Variants in ADGRL2 observed in about 807,000 individuals in gnomAD.
The protein encoded by ADGRL2 is adhesion G protein-coupled receptor L2, also known as calcium-independent alpha-latrotoxin receptor 2.
Under a neutral mutation model 157.4 loss-of-function variants are expected in ADGRL2, and 44 were observed. That is an observed-to-expected ratio of 0.28 (90% CI 0.22 to 0.36). The LOEUF (loss-of-function observed/expected upper bound fraction) is 0.36, where lower values mean the gene tolerates loss of function less well. Among genes scored for constraint, ADGRL2 ranks in the 10% least tolerant of loss-of-function variants. The pLI is 1.00. For synonymous variants in ADGRL2, 585 were observed against 624.7 expected, an observed-to-expected ratio of 0.94 and a Z score of 0.95; for missense variants, 1,510 against 1,768.9, an observed-to-expected ratio of 0.85 and a Z score of 2.63.
chr1:81,616,824 C>T (rs1347953307), intron 3 of ADGRL2, among the ~76,000 whole-genome samples: 1 of 151,912 alleles, frequency 6.6e-6, no homozygotes, highest in Non-Finnish European at 1.5e-5. Flanking sequence ...CCACAGGCAC[C>T]TGCCACTGCG....
chr1:81,815,687 A>G (rs2090328231), intron 1 of ADGRL2, among the ~76,000 whole-genome samples: 1 of 151,820 alleles, frequency 6.6e-6, no homozygotes, highest in Non-Finnish European at 1.5e-5. Flanking sequence ...ATAGTCAAAC[A>G]TAACCTTTAC....
chr1:81,318,184 T>C (rs967602797), intron 1 of ADGRL2, among the ~76,000 whole-genome samples: 3 of 152,186 alleles, frequency 2.0e-5, no homozygotes, highest in Non-Finnish European at 2.9e-5. Context: ...ATGAATATGG[T>C]CAATAACAGT....
At chr1:81,705,145 C>T (rs187948663) in intron 1 of ADGRL2, among the ~76,000 whole-genome samples, 6 of 152,232 alleles carry the variant, frequency 3.9e-5, no homozygotes, top group East Asian at 1.9e-4. Flanking sequence ...CTCCACCTCT[C>T]GGGTTCAAGC....
At chr1:81,741,021 G>C (rs1225221375) in intron 1 of ADGRL2, among the ~76,000 whole-genome samples, 1 of 151,894 alleles carries the variant, frequency 6.6e-6, no homozygotes, top group Non-Finnish European at 1.5e-5. Context: ...TTATAAACCA[G>C]AGTGTTATGT....
intron 3 of ADGRL2, among the ~76,000 whole-genome samples, chr1:81,678,951 G>C (rs1031911845): frequency 6.6e-6 from 1 of 152,182 alleles, no homozygotes; most frequent in African/African-American, 2.4e-5. Context: ...ATCAGAACCG[G>C]TGTTTCTGGT....
intron 2 of ADGRL2, among the ~76,000 whole-genome samples, chr1:81,780,874 G>A (rs572631027): frequency 6.6e-6 from 1 of 152,238 alleles, no homozygotes; most frequent in South Asian, 2.1e-4. Context: ...ACAGAATAAA[G>A]AGCTTTTGGC....
chr1:81,413,428 G>A (rs142918736), intron 1 of ADGRL2, among the ~76,000 whole-genome samples: 276 of 151,932 alleles, frequency 1.8e-3, no homozygotes, highest in Non-Finnish European at 2.9e-3. Flanking sequence ...CCAAAGTATC[G>A]TAAGAAAACA....
At chr1:81,350,763 G>C (rs1662822153) in intron 1 of ADGRL2, among the ~76,000 whole-genome samples, 1 of 152,094 alleles carries the variant, frequency 6.6e-6, no homozygotes, top group South Asian at 2.1e-4. Context: ...GTAGGCATTT[G>C]TTTACGCATG....
intron 2 of ADGRL2, among the ~76,000 whole-genome samples, chr1:81,536,538 T>G (rs1312491788): frequency 4.6e-5 from 7 of 152,236 alleles, no homozygotes; most frequent in African/African-American, 1.7e-4. Flanking sequence ...ACAACTTCTA[T>G]TCTCATCTCT....
At chr1:81,734,332 A>G (rs1162640) in intron 1 of ADGRL2, among the ~76,000 whole-genome samples, 1,713 of 147,398 alleles carry the variant, frequency 0.012, 26 homozygotes, top group Non-Finnish European at 0.016. Flanking sequence ...TAATTTTATA[A>G]TGAAAGAAAA....
At chr1:81,631,930 C>G (rs1432985277) in intron 3 of ADGRL2, among the ~76,000 whole-genome samples, 1 of 152,142 alleles carries the variant, frequency 6.6e-6, no homozygotes, top group African/African-American at 2.4e-5. Context: ...ATCTTTAAAT[C>G]TGGGCTCTGA....
intron 1 of ADGRL2, among the ~76,000 whole-genome samples, chr1:81,441,848 C>T (rs72940937): frequency 6.6e-6 from 1 of 151,822 alleles, no homozygotes; most frequent in Non-Finnish European, 1.5e-5. Context: ...TAGAATATTC[C>T]ATTTTTTTTG....
intron 2 of ADGRL2, among the ~76,000 whole-genome samples, chr1:81,788,567 C>A (rs905765828): frequency 6.6e-6 from 1 of 152,198 alleles, no homozygotes; most frequent in Admixed American, 6.5e-5. Flanking sequence ...ATTACCTAGT[C>A]TTGGGTATTC....
At chr1:81,391,127 A>G in intron 1 of ADGRL2, among the ~76,000 whole-genome samples, 1 of 152,308 alleles carries the variant, frequency 6.6e-6, no homozygotes, top group African/African-American at 2.4e-5. Flanking sequence ...GTTTGTTAAC[A>G]AATGAGATAA....
chr1:81,979,471 G>A lies in ADGRL2; in HGVS notation c.3022-398G>A, dbSNP rs1309853770. 4.6e-5 allele frequency among the ~76,000 whole-genome samples: 7 copies of A among 151,856 alleles called. No individual in the cohort carries two copies. In the East Asian group the frequency reaches 1.4e-3, roughly 29 times the overall value. On this transcript the variant is annotated intron_variant, in intron 17 of 23. Transcript: ENST00000686636. The stretch of plus-strand genomic sequence containing the variant: ...GTCAAAATCAAGAGCTAGACTCACA[G>A]CCAAGACTTATGGTTTCAAACCCAG...
chr1:81,986,387 T>G (rs1474493616), intron 21 of ADGRL2, among the ~76,000 whole-genome samples: 1 of 152,106 alleles, frequency 6.6e-6, no homozygotes, highest in Non-Finnish European at 1.5e-5. Flanking sequence ...TTGCATTTAC[T>G]AAGAGAAGCT....
At chr1:81,376,236 G>C (rs72939015) in intron 1 of ADGRL2, among the ~76,000 whole-genome samples, 1 of 152,180 alleles carries the variant, frequency 6.6e-6, no homozygotes, top group Non-Finnish European at 1.5e-5. Context: ...CTGTTCCAGA[G>C]AACCATTAGG....
At chr1:81,780,341 T>G (rs1357595509) in intron 2 of ADGRL2, among the ~76,000 whole-genome samples, 1 of 152,180 alleles carries the variant, frequency 6.6e-6, no homozygotes, top group Non-Finnish European at 1.5e-5. Context: ...AGCTTTGGGA[T>G]GGAAGGTGGA....
At chr1:81,549,229 G>A (rs1014210811) in intron 2 of ADGRL2, among the ~76,000 whole-genome samples, 1 of 152,166 alleles carries the variant, frequency 6.6e-6, no homozygotes, top group African/African-American at 2.4e-5. Flanking sequence ...GATGACGTTT[G>A]TAACTCCTTG....
Sources: allele counts gnomAD v4.1 joint callset (sites outside exome capture counted in the v4.1 genomes callset), GRCh38; gene constraint gnomAD v4.1.1; transcripts MANE v1.5; gene names NCBI Gene and HGNC (gene_info 2026-07-23, HGNC 2026-07-21).